PCCA: variants seen among roughly 807,000 people sequenced by gnomAD.
PCCA encodes propionyl-CoA carboxylase alpha chain, mitochondrial.
A neutral mutation model predicts 101.3 loss-of-function variants in PCCA; 74 were observed. That is an observed-to-expected ratio of 0.73 (90% CI 0.61 to 0.89). The LOEUF (loss-of-function observed/expected upper bound fraction) is 0.89, where lower values mean the gene tolerates loss of function less well. PCCA is among the 40% of genes least tolerant of loss of function. The pLI is 0.00. For synonymous variants in PCCA, 294 were observed against 313.6 expected (o/e 0.94, Z 0.66); for missense variants, 891 against 907.0 (o/e 0.98, Z 0.23).
rs573794807 is a variant in PCCA at position 100,169,888 on chromosome 13, C to T, written c.468+12548C>T. Reference sequence around the variant, plus strand: ...CTAATTTTTGTATTTTTAGTAGAGACGGAGTTTCACCTTGTTGACCAGGCT... The same window carrying T: ...CTAATTTTTGTATTTTTAGTAGAGATGGAGTTTCACCTTGTTGACCAGGCT... On this transcript the variant is annotated intron_variant, in intron 6 of 23. Transcript: ENST00000376285. 7.3e-4 allele frequency among the ~76,000 whole-genome samples: 111 copies of T among 152,180 alleles called. 1 individual carries two copies. Among genetic ancestry groups the T allele is most frequent in the Middle Eastern group, 6.8e-3 (2 of 292 alleles).
At chr13:100,258,215 A>G (rs2062208310) in intron 9 of PCCA, among the ~76,000 whole-genome samples, 1 of 152,180 alleles carries the variant, frequency 6.6e-6, no homozygotes, top group Admixed American at 6.5e-5. Context: ...ATAATTTAGA[A>G]TACTTTTTAT....
At chr13:100,142,743 G>T (rs2052037143) in intron 4 of PCCA, among the ~76,000 whole-genome samples, 2 of 152,268 alleles carry the variant, frequency 1.3e-5, no homozygotes, top group Non-Finnish European at 2.9e-5. Context: ...CAAAGTGCTG[G>T]GATTACAGGC....
intron 10 of PCCA, among the ~76,000 whole-genome samples, chr13:100,263,362 A>T (rs894438871): frequency 3.3e-5 from 5 of 152,234 alleles, no homozygotes; most frequent in Admixed American, 2.6e-4. Flanking sequence ...TTTATACATT[A>T]TGACTATGAA....
chr13:100,423,263 G>A (rs758690944), intron 19 of PCCA, among the ~76,000 whole-genome samples: 22 of 152,144 alleles, frequency 1.4e-4, no homozygotes, highest in African/African-American at 2.4e-5. Flanking sequence ...AGGGTTGCAT[G>A]TACACAGTGG....
intron 20 of PCCA, among the ~76,000 whole-genome samples, chr13:100,431,121 A>G (rs745666081): frequency 1.3e-5 from 2 of 152,040 alleles, no homozygotes; most frequent in Non-Finnish European, 2.9e-5. Context: ...TTCCCAGACT[A>G]CTTAGGTTTT....
intron 20 of PCCA, among the ~76,000 whole-genome samples, chr13:100,427,120 G>A (rs1204072992): frequency 6.6e-6 from 1 of 152,186 alleles, no homozygotes; most frequent in East Asian, 1.9e-4. Context: ...GGGAGGCCAG[G>A]GCAGGAGAAT....
chr13:100,431,177 A>G (rs1000988616), intron 20 of PCCA, among the ~76,000 whole-genome samples: 1 of 152,146 alleles, frequency 6.6e-6, no homozygotes, highest in African/African-American at 2.4e-5. Context: ...GTTTTAATGT[A>G]TACTTCCCTG....
At chr13:100,159,752 G>A (rs2054261991) in intron 6 of PCCA, among the ~76,000 whole-genome samples, 1 of 152,104 alleles carries the variant, frequency 6.6e-6, no homozygotes, top group South Asian at 2.1e-4. Context: ...CAGCCTGACT[G>A]TGCGCTGCTC....
intron 19 of PCCA, among the ~76,000 whole-genome samples, chr13:100,418,682 A>G (rs1483540828): frequency 6.6e-6 from 1 of 151,830 alleles, no homozygotes; most frequent in African/African-American, 2.4e-5. Flanking sequence ...AAAATACAAA[A>G]TATTAGCCGG....
intron 7 of PCCA, among the ~76,000 whole-genome samples, chr13:100,224,685 G>A (rs1418906187): frequency 2.6e-5 from 4 of 152,232 alleles, no homozygotes; most frequent in African/African-American, 9.6e-5. Flanking sequence ...TATGCATATA[G>A]GATGGGCATG....
At chr13:100,140,791 G>A (rs2051772207) in intron 4 of PCCA, among the ~76,000 whole-genome samples, 1 of 152,106 alleles carries the variant, frequency 6.6e-6, no homozygotes, top group African/African-American at 2.4e-5. Flanking sequence ...GAATGGCCAG[G>A]GGTGTTTCTT....
chr13:100,250,940 G>A (rs892988380), intron 8 of PCCA, among the ~76,000 whole-genome samples: 3 of 151,950 alleles, frequency 2.0e-5, no homozygotes, highest in African/African-American at 4.8e-5. Flanking sequence ...TTCATTATAC[G>A]TCTATGGTTT....
At chr13:100,203,565 G>C (rs1051795209) in intron 6 of PCCA, among the ~76,000 whole-genome samples, 1 of 152,042 alleles carries the variant, frequency 6.6e-6, no homozygotes, top group African/African-American at 2.4e-5. Flanking sequence ...ATGGTGGGGG[G>C]TGCCTGTAGT....
At chr13:100,263,436 A>AT (rs1785306057) in intron 10 of PCCA, among the ~76,000 whole-genome samples, 1 of 152,168 alleles carries the variant, frequency 6.6e-6, no homozygotes, top group South Asian at 2.1e-4. Context: ...AATTTTAAGT[A>AT]TTTTTTTAAA....
chr13:100,125,972 G>C (rs531765469), intron 4 of PCCA, among the ~76,000 whole-genome samples: 1 of 152,146 alleles, frequency 6.6e-6, no homozygotes, highest in African/African-American at 2.4e-5. Flanking sequence ...TAATCAAGGC[G>C]CTGTAGTGTT....
At chr13:100,189,351 G>A (rs951728338) in intron 6 of PCCA, among the ~76,000 whole-genome samples, 2 of 152,178 alleles carry the variant, frequency 1.3e-5, no homozygotes, top group Non-Finnish European at 2.9e-5. Context: ...GTAAACATAC[G>A]TGTGCATGTG....
At chr13:100,089,770 C>T (rs2046108930) in intron 1 of PCCA, among the ~76,000 whole-genome samples, 1 of 152,186 alleles carries the variant, frequency 6.6e-6, no homozygotes, top group Admixed American at 6.5e-5. Context: ...AATTGTATGA[C>T]ACCCCAGTCT....
At chr13:100,235,808 GATTA>G (rs765341007) in intron 7 of PCCA, 30 bp from the exon 8 acceptor site, 1 of 1,530,372 alleles carries the variant, frequency 6.5e-7, no homozygotes, top group Admixed American at 1.7e-5. Flanking sequence ...TGCCTCATGG[GATTA>G]ATGTTGAGTC....
intron 6 of PCCA, 87 bp from the exon 7 acceptor site, chr13:100,209,245 A>G: frequency 2.7e-6 from 3 of 1,112,252 alleles, no homozygotes; most frequent in South Asian, 2.6e-5. Context: ...GAAAATACAC[A>G]TATGGGCTTT....
Sources: allele counts gnomAD v4.1 joint callset (sites outside exome capture counted in the v4.1 genomes callset), GRCh38; gene constraint gnomAD v4.1.1; transcripts MANE v1.5; gene names NCBI Gene and HGNC (gene_info 2026-07-23, HGNC 2026-07-21).